The following SPACA9 variants were observed in gnomAD, a reference collection of about 807,000 sequenced individuals.
SPACA9 encodes sperm acrosome-associated protein 9.
A neutral mutation model predicts 12.5 loss-of-function variants in SPACA9; 14 were observed. The observed-to-expected ratio is 1.12, with a 90% confidence interval of 0.74 to 1.75. The LOEUF (loss-of-function observed/expected upper bound fraction) is 1.75. Among genes scored for constraint, SPACA9 ranks in the 40% most tolerant of loss-of-function variants. The pLI, the probability that SPACA9 is intolerant of heterozygous loss-of-function variation, is 0.00. For missense variants in SPACA9, 292 were observed against 291.9 expected, an observed-to-expected ratio of 1.00 and a Z score of 0.00; for synonymous variants, 111 against 114.1, an observed-to-expected ratio of 0.97 and a Z score of 0.17.
chr9:132,878,441 G>T, upstream of SPACA9: 1 of 1,229,400 alleles, frequency 8.1e-7, no homozygotes, highest in Non-Finnish European at 1.0e-6. The surrounding 1 kb of genome is among the most constrained non-coding windows in gnomAD (Gnocchi z 4.7). Context: ...GCTCGGGCAA[G>T]TTCTTTCCCC....
Position 132,889,183 on chromosome 9 carries a change from G to A in SPACA9, c.*572G>A. On this transcript the variant is annotated 3_prime_UTR_variant, in exon 4 of 4. Transcript: ENST00000356311. ...AGGATGGTGTGGTAGAGGGTCCCAGGAGGGCACTGAACTGTCACCTAGGTC... is the reference window on the plus strand; with the variant it reads ...AGGATGGTGTGGTAGAGGGTCCCAGAAGGGCACTGAACTGTCACCTAGGTC... 1.0e-6 allele frequency: 1 copy of A among 987,942 alleles called. No homozygotes were observed. The highest frequency in any genetic ancestry group is 1.2e-6 in the Non-Finnish European group (1 of 831,582). The allele number at this position is 987,942 out of a possible 1,614,324, so 61.2% of individuals were successfully genotyped here.
chr9:132,885,165 CTT>C (rs901997406), intron 2 of SPACA9, among the ~76,000 whole-genome samples: 9 of 151,010 alleles, frequency 6.0e-5, no homozygotes, highest in Non-Finnish European at 8.9e-5. Flanking sequence ...AAAAAAAACA[CTT>C]TTTTTTTCTA....
intron 1 of SPACA9, among the ~76,000 whole-genome samples, chr9:132,881,724 C>T (rs562941409): frequency 9.9e-5 from 15 of 151,222 alleles, no homozygotes; most frequent in African/African-American, 2.9e-4. Context: ...TGCAGTACTG[C>T]GATCATGGCT....
chr9:132,881,581 C>T (rs555004892), intron 1 of SPACA9, among the ~76,000 whole-genome samples: 128 of 151,528 alleles, frequency 8.4e-4, no homozygotes, highest in African/African-American at 3.1e-3. Context: ...GCCTAGCTGA[C>T]GTGGTGAAAT....
chr9:132,889,576 A>T lies in SPACA9; in HGVS notation c.*965A>T, dbSNP rs1000440912. 2.5e-5 allele frequency: 7 copies of T among 277,122 alleles called. No individual in the cohort carries two copies. Among genetic ancestry groups the T allele is most frequent in the South Asian group, 2.7e-4 (2 of 7,292 alleles). 17.2% of individuals were successfully genotyped at this position (277,122 alleles called of 1,614,324 possible). Reference sequence around the variant, plus strand: ...GCCCACCACCCCACCTGGCTAATTTATATATATATATATTTTTTAGTAGAG... The same window carrying T: ...GCCCACCACCCCACCTGGCTAATTTTTATATATATATATTTTTTAGTAGAG... On this transcript the variant is annotated 3_prime_UTR_variant, in exon 4 of 4. Coordinates refer to ENST00000356311, the MANE Select transcript of SPACA9 (RefSeq NM_001316897.2).
chr9:132,881,867 A>G (rs918267627), intron 1 of SPACA9, among the ~76,000 whole-genome samples: 11 of 152,116 alleles, frequency 7.2e-5, no homozygotes, highest in Admixed American at 2.6e-4. Context: ...CGCCTCCTTA[A>G]GTTTTGCATG....
chr9:132,887,486 T>A lies in SPACA9; in HGVS notation c.262T>A (p.Ser88Thr). 6.2e-7 allele frequency: 1 copy of A among 1,614,102 alleles called. No homozygotes were observed. Among genetic ancestry groups the A allele is most frequent in the Non-Finnish European group, 8.5e-7 (1 of 1,180,028 alleles). Residue 88 changes from serine (S) to threonine (T), a missense_variant, in exon 3 of 4, where the codon TCT (serine) becomes ACT (threonine). Physicochemically the swap from Ser to Thr is moderately conservative, Grantham distance 58. Transcript: ENST00000356311. The surrounding 1 kb of genome is among the most constrained non-coding windows in gnomAD (Gnocchi z 5.4). The stretch of plus-strand genomic sequence containing the variant: ...CTGCCAGCACTTTGAGGCCGTGCAC[T>A]CTGGCACCCCAGTCACCAACAACCT... ...KLCQHFEAVHSGTPVTNNLLE... is the reference protein window; with the variant it reads ...KLCQHFEAVHTGTPVTNNLLE...
chr9:132,878,547 A>G, upstream of SPACA9: 5 of 1,164,478 alleles, frequency 4.3e-6, no homozygotes, highest in Non-Finnish European at 5.3e-6. This position sits in a 1 kb window ranked among gnomAD's most constrained non-coding sequence, Gnocchi z 4.7. Context: ...CCCCCGACGA[A>G]ACCCAGAAGG....
At chr9:132,883,545 T>C (rs919924360) in intron 1 of SPACA9, among the ~76,000 whole-genome samples, 2 of 152,096 alleles carry the variant, frequency 1.3e-5, no homozygotes, top group African/African-American at 4.8e-5. Flanking sequence ...CATGTACCTG[T>C]ATGTGTGTGC....
intron 1 of SPACA9, among the ~76,000 whole-genome samples, chr9:132,883,585 C>T (rs770683749): frequency 4.6e-5 from 7 of 151,834 alleles, no homozygotes; most frequent in African/African-American, 7.3e-5. Context: ...TGTGTGTGCG[C>T]GCGTGTGTGT....
At position 132,888,789 on chromosome 9, in the gene SPACA9, A is replaced by G. The variant is rs111227014; in HGVS notation, c.*178A>G. ...TGCTTTAACTTCTTTTTTTTTTGAG[A>G]CGGAGTCTCGCTCTGTCGCCCAGGC... On this transcript the variant is annotated 3_prime_UTR_variant, in exon 4 of 4. Coordinates refer to ENST00000356311, the MANE Select transcript of SPACA9 (RefSeq NM_001316897.2). This position sits in a 1 kb window ranked among gnomAD's most constrained non-coding sequence, Gnocchi z 5.0. 1.8e-5 allele frequency: 24 copies of G among 1,369,002 alleles called. 1 individual carries two copies. The highest frequency in any genetic ancestry group is 1.6e-4 in the African/African-American group (11 of 68,248). 84.8% of individuals were successfully genotyped at this position (1,369,002 alleles called of 1,614,324 possible).
In SPACA9 at chr9:132,889,496, T is replaced by A; in HGVS notation, c.*885T>A. ...ATCTTGGCTCACTGCAACCTCCACCTCCAGGTTCAAGCGATTCTCCTGCCT... is the reference window on the plus strand; with the variant it reads ...ATCTTGGCTCACTGCAACCTCCACCACCAGGTTCAAGCGATTCTCCTGCCT... On this transcript the variant is annotated 3_prime_UTR_variant, in exon 4 of 4. Transcript: ENST00000356311. 1 of 811,564 alleles carries A rather than the reference T, an allele frequency of 1.2e-6. No homozygotes were observed. Among genetic ancestry groups the A allele is most frequent in the East Asian group, 1.3e-4 (1 of 7,966 alleles). The allele number at this position is 811,564 out of a possible 1,614,324, so 50.3% of individuals were successfully genotyped here. A position where few individuals can be genotyped will look rare whatever the true frequency, so the allele number is the denominator to read the frequency against.
chr9:132,883,796 G>A, intron 1 of SPACA9, 115 bp from the exon 2 acceptor site: 1 of 809,946 alleles, frequency 1.2e-6, no homozygotes, highest in Non-Finnish European at 2.0e-6. Context: ...GCACTCACAA[G>A]GCGCTCCAGT....
intron 1 of SPACA9, among the ~76,000 whole-genome samples, chr9:132,879,327 C>G (rs957072707): frequency 3.3e-5 from 5 of 152,132 alleles, no homozygotes; most frequent in African/African-American, 1.2e-4. Context: ...GTGCTCTCGG[C>G]AAAATTCTGT....
At chr9:132,879,799 T>C (rs984950895) in intron 1 of SPACA9, among the ~76,000 whole-genome samples, 47 of 152,216 alleles carry the variant, frequency 3.1e-4, no homozygotes, top group Non-Finnish European at 1.0e-4. Context: ...GACAGATGGA[T>C]AAACTGAGGC....
chr9:132,878,593 C>T (rs1481290361), upstream of SPACA9: 2 of 1,098,956 alleles, frequency 1.8e-6, no homozygotes, highest in African/African-American at 1.6e-5. The surrounding 1 kb of genome is among the most constrained non-coding windows in gnomAD (Gnocchi z 4.7). Context: ...GGAGGCAGAA[C>T]CTGCTTCTGG....
At position 132,888,016 on chromosome 9, in the gene SPACA9, T is replaced by C. The variant is rs1239974809; in HGVS notation, c.348-274T>C. Among the ~76,000 whole-genome samples the C allele has an allele frequency of 6.6e-6, 1 of 152,144 alleles. No homozygotes were observed. The highest frequency in any genetic ancestry group is 2.4e-5 in the African/African-American group (1 of 41,428). On this transcript the variant is annotated intron_variant, in intron 3 of 3. Transcript: ENST00000356311. The surrounding 1 kb of genome is among the most constrained non-coding windows in gnomAD (Gnocchi z 5.0). ...ACCAGGGTGAGAAGAGCCAGAGGGA[T>C]GAGCCAGCCAGTTCCTCACCCCTAA...
chr9:132,880,488 AG>A (rs112002273), intron 1 of SPACA9, among the ~76,000 whole-genome samples: 2 of 152,222 alleles, frequency 1.3e-5, no homozygotes, highest in African/African-American at 4.8e-5. Context: ...GGGAAAAGCC[AG>A]GCCGAAAGGG....
At chr9:132,885,586 G>A (rs570738750) in intron 2 of SPACA9, among the ~76,000 whole-genome samples, 35 of 149,752 alleles carry the variant, frequency 2.3e-4, no homozygotes, top group Middle Eastern at 3.4e-3. Flanking sequence ...CAGATTCACC[G>A]ACTTGTGACA....
Sources: allele counts gnomAD v4.1 joint callset (sites outside exome capture counted in the v4.1 genomes callset), GRCh38; gene constraint gnomAD v4.1.1; non-coding constraint Gnocchi (gnomAD v3.1); transcripts MANE v1.5; gene names NCBI Gene and HGNC (gene_info 2026-07-23, HGNC 2026-07-21).